COA6: variants seen among roughly 807,000 people sequenced by gnomAD.
COA6 encodes the protein cytochrome c oxidase assembly factor 6.
In COA6, 12 loss-of-function variants were observed where a neutral mutation model predicts 17.1. The observed-to-expected ratio is 0.70, with a 90% CI of 0.45 to 1.14. The LOEUF is 1.14. COA6 is among the 50% of genes most tolerant of loss of function. The pLI is 0.00. For missense variants in COA6, 246 were observed against 196.5 expected, an observed-to-expected ratio of 1.25 and a Z score of -1.51; for synonymous variants, 90 against 73.4, an observed-to-expected ratio of 1.23 and a Z score of -1.16.
intron 1 of COA6, 114 bp downstream of exon 1, chr1:234,373,792 G>A: frequency 1.2e-6 from 2 of 1,613,714 alleles, no homozygotes; most frequent in Non-Finnish European, 1.7e-6. Flanking sequence ...CACTCCAATC[G>A]CCTGCTTGGT....
chr1:234,381,987 G>A (rs1658985548), intron 2 of COA6, among the ~76,000 whole-genome samples: 1 of 152,160 alleles, frequency 6.6e-6, no homozygotes, highest in African/African-American at 2.4e-5. Flanking sequence ...ATCCATCCTA[G>A]CCCAATCAGC....
chr1:234,374,347 G>A lies in COA6; in HGVS notation c.330G>A (p.Lys110=), dbSNP rs183815317. The change falls in exon 2 of 3, where the codon AAG becomes AAA. Residue 110 remains lysine, a synonymous_variant. Transcript: ENST00000366615. ...DENLEDASQC[K]KLRSSFESSC... ...ACTTAGAGGATGCTTCTCAATGCAAGAAGTTAAGAAGCTCTTTCGAATCAA... is the reference window on the plus strand; with the variant it reads ...ACTTAGAGGATGCTTCTCAATGCAAAAAGTTAAGAAGCTCTTTCGAATCAA... The A allele has an allele frequency of 8.0e-5, 129 of 1,614,068 alleles. No homozygotes were observed. In the African/African-American group the frequency reaches 1.6e-3, roughly 20 times the overall value.
chr1:234,379,407 A>G (rs1658904910), intron 2 of COA6, among the ~76,000 whole-genome samples: 1 of 152,072 alleles, frequency 6.6e-6, no homozygotes, highest in African/African-American at 2.4e-5. Flanking sequence ...TGAGGATAAG[A>G]TATAAGCTTT....
chr1:234,374,501 T>G, intron 2 of COA6, 112 bp downstream of exon 2: 1 of 1,123,592 alleles, frequency 8.9e-7, no homozygotes, highest in Non-Finnish European at 1.3e-6. Context: ...AACAGTTTCT[T>G]TGAGGCGCAG....
chr1:234,380,750 G>A (rs559402829), intron 2 of COA6, among the ~76,000 whole-genome samples: 12 of 152,306 alleles, frequency 7.9e-5, no homozygotes, highest in East Asian at 5.8e-4. Context: ...GATTATAGGC[G>A]TGAGCCACCA....
rs1659080156 is a variant in COA6 at position 234,384,774 on chromosome 1, T to C, written c.*956T>C. ...TGGGAAAAGGAAAAACGAGTAAAAATAATAAAAATTTAAAAATCCAGTATA... is the reference window on the plus strand; with the variant it reads ...TGGGAAAAGGAAAAACGAGTAAAAACAATAAAAATTTAAAAATCCAGTATA... On this transcript the variant is annotated 3_prime_UTR_variant, in exon 3 of 3. Coordinates refer to ENST00000366615, the MANE Select transcript of COA6 (RefSeq NM_001206641.3). Among the ~76,000 whole-genome samples, 1 of 152,088 alleles carries C rather than the reference T, an allele frequency of 6.6e-6. No individual in the cohort carries two copies. The highest frequency in any genetic ancestry group is 6.5e-5 in the Admixed American group (1 of 15,276).
intron 2 of COA6, among the ~76,000 whole-genome samples, chr1:234,375,090 C>A (rs954410145): frequency 6.7e-6 from 1 of 149,808 alleles, no homozygotes; most frequent in African/African-American, 2.5e-5. Flanking sequence ...GAGTTCAAGA[C>A]CAGCCTGGCC....
rs189677553 is a variant in COA6, at chr1:234,380,564, A to T, written c.373-3159A>T. 7.7e-4 allele frequency among the ~76,000 whole-genome samples: 117 copies of T among 152,368 alleles called. 1 individual carries two copies. Among genetic ancestry groups the T allele is most frequent in the Admixed American group, 1.1e-3 (17 of 15,306 alleles). The stretch of plus-strand genomic sequence containing the variant: ...ATAGCACCACCAAATTGGGATTTAG[A>T]TTGAGTAATTCTATCCCAAAACACC... On this transcript the variant is annotated intron_variant, in intron 2 of 2. Transcript: ENST00000366615.
chr1:234,374,125 T>C (rs867291616), intron 1 of COA6, 105 bp from the exon 2 acceptor site: 4 of 1,195,996 alleles, frequency 3.3e-6, no homozygotes, highest in Non-Finnish European at 4.6e-6. Flanking sequence ...TTTTTTTTTT[T>C]TTTTAGTTTT....
Position 234,383,825 on chromosome 1 carries a change from C to T in COA6, c.*7C>T. The T allele has an allele frequency of 2.1e-6, 3 of 1,438,674 alleles. No homozygotes were observed. The highest frequency in any genetic ancestry group is 2.9e-6 in the Non-Finnish European group (3 of 1,033,246). The allele number at this position is 1,438,674 out of a possible 1,614,324, so 89.1% of individuals were successfully genotyped here. ...AACAACTGCAAAATCCTAGGCTGTT[C>T]ATAAAGATTGAAAGTATTCTTTCTG... On this transcript the variant is annotated 3_prime_UTR_variant, in exon 3 of 3. Coordinates refer to ENST00000366615, the MANE Select transcript of COA6 (RefSeq NM_001206641.3).
At chr1:234,382,297 G>C (rs1658997410) in intron 2 of COA6, among the ~76,000 whole-genome samples, 1 of 152,170 alleles carries the variant, frequency 6.6e-6, no homozygotes, top group African/African-American at 2.4e-5. Context: ...CCTGGAGCTG[G>C]GTTGGAGATC....
intron 2 of COA6, among the ~76,000 whole-genome samples, chr1:234,376,771 G>A (rs1182649249): frequency 1.3e-5 from 2 of 152,074 alleles, no homozygotes; most frequent in African/African-American, 2.4e-5. Context: ...TCTAGCAGCC[G>A]CTGCTCTTTG....
intron 2 of COA6, among the ~76,000 whole-genome samples, chr1:234,374,920 G>A (rs530672120): frequency 6.6e-6 from 1 of 152,154 alleles, no homozygotes; most frequent in Admixed American, 6.5e-5. Context: ...ATTGGAAAGA[G>A]GACTATTACT....
At chr1:234,381,778 A>G (rs962011748) in intron 2 of COA6, among the ~76,000 whole-genome samples, 1 of 152,234 alleles carries the variant, frequency 6.6e-6, no homozygotes. Context: ...TGATGCGTTC[A>G]TTGAAATAGG....
At chr1:234,377,133 T>TTTTTTTTTTTTGTTG (rs60899682) in intron 2 of COA6, among the ~76,000 whole-genome samples, 15 of 69,566 alleles carry the variant, frequency 2.2e-4, no homozygotes, top group African/African-American at 1.3e-3. Context: ...TTTTGTTTTT[T>TTTTTTTTTTTTGTTG]TTGTTGTTGT....
Position 234,373,959 on chromosome 1 carries a change from C to T in COA6, c.213-271C>T, listed in dbSNP as rs1397749954. ...CTGGGACAGAACCACAGTTCTCAGC[C>T]GGGCTTTCTGAGCCCACGCTGCCGC... On this transcript the variant is annotated intron_variant, in intron 1 of 2. Transcript: ENST00000366615. 10 of 1,289,600 alleles carry T rather than the reference C, an allele frequency of 7.8e-6. No homozygotes were observed. The African/African-American group carries it at 1.0e-4, about 14-fold the overall frequency. 79.9% of individuals were successfully genotyped at this position (1,289,600 alleles called of 1,614,324 possible).
intron 2 of COA6, among the ~76,000 whole-genome samples, chr1:234,377,101 A>AGAGG (rs1658826482): frequency 3.9e-5 from 3 of 77,844 alleles, no homozygotes; most frequent in African/African-American, 1.3e-4. Context: ...AGAGAGAGAG[A>AGAGG]TCCAGTCTCT....
intron 2 of COA6, among the ~76,000 whole-genome samples, chr1:234,376,118 T>TTA (rs1443663908): frequency 4.6e-5 from 7 of 152,170 alleles, no homozygotes; most frequent in Non-Finnish European, 1.0e-4. Flanking sequence ...GAAGAAAATA[T>TTA]TATACATCTG....
Position 234,373,807 on chromosome 1 carries a change from G to A in COA6, c.212+129G>A, listed in dbSNP as rs141851701. On this transcript the variant is annotated intron_variant, in intron 1 of 2. Transcript: ENST00000366615. ...CACTCCAATCGCCTGCTTGGTGATT[G>A]TGGCCCCCACACACCTGTTTCTACA... is the stretch of plus-strand genomic sequence containing the variant. 7.8e-5 allele frequency: 126 copies of A among 1,613,586 alleles called. 1 individual carries two copies. The highest frequency in any genetic ancestry group is 9.2e-5 in the Non-Finnish European group (109 of 1,180,048).
Sources: allele counts gnomAD v4.1 joint callset (sites outside exome capture counted in the v4.1 genomes callset), GRCh38; gene constraint gnomAD v4.1.1; transcripts MANE v1.5; gene names NCBI Gene and HGNC (gene_info 2026-07-23, HGNC 2026-07-21).